ZBTB38: variants seen among roughly 807,000 people sequenced by gnomAD.
ZBTB38 encodes the protein zinc finger and BTB domain containing 38, also known as zinc finger and BTB domain-containing protein 38.
In ZBTB38, 20 loss-of-function variants were observed where a neutral mutation model predicts 76.8. The ratio of observed to expected loss-of-function variants is 0.26; its 90% CI spans 0.18 to 0.38. The LOEUF is 0.38. Ranked by LOEUF, ZBTB38 falls within the 10% of genes least tolerant of loss-of-function variation. The probability of loss-of-function intolerance (pLI) is 1.00; values close to 1 mark genes in which losing one functional copy is unlikely to be tolerated. For synonymous variants in ZBTB38, 504 were observed against 544.2 expected (o/e 0.93, Z 1.03); for missense variants, 1,082 against 1,482.3 (o/e 0.73, Z 4.43).
intron 4 of ZBTB38, among the ~76,000 whole-genome samples, chr3:141,392,121 T>A (rs1443223285): frequency 2.6e-5 from 4 of 152,226 alleles, no homozygotes; most frequent in Admixed American, 6.5e-5. Flanking sequence ...ATTCATTACT[T>A]AGCTGACTTT....
chr3:141,409,138 C>T (rs1195915307), intron 5 of ZBTB38, among the ~76,000 whole-genome samples: 7 of 152,120 alleles, frequency 4.6e-5, no homozygotes, highest in African/African-American at 1.7e-4. Flanking sequence ...CTTTGCCTCC[C>T]GGGTTCAAGT....
At position 141,448,826 on chromosome 3, in the gene ZBTB38, G is replaced by A. The variant is rs963502776; in HGVS notation, c.*2850G>A. 2.0e-5 allele frequency: 3 copies of A among 151,882 alleles called. No individual in the cohort carries two copies. The highest frequency in any genetic ancestry group is 4.4e-5 in the Non-Finnish European group (3 of 67,986). The allele number at this position is 151,882 out of a possible 1,614,324, so 9.4% of individuals were successfully genotyped here. Reference sequence around the variant, plus strand: ...CTGTTTCCTTACTTGTTTACATTCCGTGGTACCTACTTACATGCTTAGGAG... The same window carrying A: ...CTGTTTCCTTACTTGTTTACATTCCATGGTACCTACTTACATGCTTAGGAG... On this transcript the variant is annotated 3_prime_UTR_variant, in exon 6 of 6. Coordinates refer to ENST00000321464, the MANE Select transcript of ZBTB38 (RefSeq NM_001376113.1).
At chr3:141,428,558 G>T (rs1401960980) in intron 5 of ZBTB38, among the ~76,000 whole-genome samples, 1 of 152,166 alleles carries the variant, frequency 6.6e-6, no homozygotes, top group Non-Finnish European at 1.5e-5. Flanking sequence ...CACAATCTCA[G>T]CTCACTGCAA....
intron 4 of ZBTB38, among the ~76,000 whole-genome samples, chr3:141,395,592 AATAAT>A (rs1397731476): frequency 6.6e-6 from 1 of 152,196 alleles, no homozygotes; most frequent in African/African-American, 2.4e-5. Context: ...TTCAAAATAC[AATAAT>A]ATATAATATT....
chr3:141,437,115 C>G (rs1326866301), intron 5 of ZBTB38, among the ~76,000 whole-genome samples: 1 of 152,080 alleles, frequency 6.6e-6, no homozygotes, highest in Non-Finnish European at 1.5e-5. Context: ...ATACTAGAGT[C>G]TTAACTTTAA....
intron 1 of ZBTB38, among the ~76,000 whole-genome samples, chr3:141,360,012 T>C (rs113550845): frequency 6.6e-6 from 1 of 152,316 alleles, no homozygotes; most frequent in African/African-American, 2.4e-5. Context: ...TAAAACCTCA[T>C]ATTCAATAGA....
chr3:141,368,995 C>CAA (rs887674425), intron 1 of ZBTB38, among the ~76,000 whole-genome samples, 191 bp downstream of exon 1: 1,557 of 84,424 alleles, frequency 0.018, 18 homozygotes, highest in African/African-American at 0.045. Flanking sequence ...GAAAAGAATG[C>CAA]AAAAAAAAAA....
chr3:141,419,328 GAC>G lies in ZBTB38; in HGVS notation c.-1+15301_-1+15302del, dbSNP rs1202884082. On this transcript the variant is annotated intron_variant, in intron 5 of 5. Coordinates refer to ENST00000321464, the MANE Select transcript of ZBTB38 (RefSeq NM_001376113.1). Reference sequence around the variant, plus strand: ...CAGTTCAACATGAGATTTGGGCAGGGACACAAACTCAAACCATATCACATATG... The same window carrying G: ...CAGTTCAACATGAGATTTGGGCAGGGACAAACTCAAACCATATCACATATG... Among the ~76,000 whole-genome samples, 12 of 152,264 alleles carry G rather than the reference GAC, an allele frequency of 7.9e-5. No individual in the cohort carries two copies. In the East Asian group the frequency reaches 2.3e-3, roughly 29 times the overall value.
chr3:141,427,671 G>A (rs571700577), intron 5 of ZBTB38: 1 of 152,678 alleles, frequency 6.5e-6, no homozygotes, highest in African/African-American at 2.4e-5. Flanking sequence ...GTTCACACCA[G>A]AAGCCAGCTC....
At chr3:141,357,133 C>A (rs1943685782) in intron 1 of ZBTB38, among the ~76,000 whole-genome samples, 1 of 152,214 alleles carries the variant, frequency 6.6e-6, no homozygotes, top group African/African-American at 2.4e-5. Flanking sequence ...ATGCGACAGG[C>A]AAATGACCCT....
In ZBTB38 at chr3:141,393,915, G is replaced by A. The variant is rs572937831; in HGVS notation, c.-106+6978G>A. Among the ~76,000 whole-genome samples the A allele has an allele frequency of 1.6e-4, 25 of 152,314 alleles. 1 individual carries two copies. In the South Asian group the frequency reaches 4.6e-3, roughly 28 times the overall value. On this transcript the variant is annotated intron_variant, in intron 4 of 5. Transcript: ENST00000321464. ...TGCTACTTAATGGCCCCACGTTGGC[G>A]ATTGTGAAGCGCCTACAGATTGATG... is the stretch of plus-strand genomic sequence containing the variant.
intron 1 of ZBTB38, among the ~76,000 whole-genome samples, chr3:141,326,005 C>T (rs1942662521): frequency 6.6e-6 from 1 of 152,014 alleles, no homozygotes; most frequent in Non-Finnish European, 1.5e-5. Flanking sequence ...TGCCATTTAA[C>T]ATGTTTTTTC....
In ZBTB38 at chr3:141,443,240, C is replaced by A. The variant is rs1029613199; in HGVS notation, c.852C>A (p.Pro284=). The A allele has an allele frequency of 6.2e-7, 1 of 1,614,232 alleles. No homozygotes were observed. Among genetic ancestry groups the A allele is most frequent in the Admixed American group, 1.7e-5 (1 of 60,024 alleles). Residue 284 remains proline, a synonymous_variant, in exon 6 of 6, where the codon CCC becomes CCA. Transcript: ENST00000321464. The surrounding 1 kb of genome is among the most constrained non-coding windows in gnomAD (Gnocchi z 5.6). ...DSDSATENIP[P]PPVSNLEVNQ... is the part of the protein sequence containing the mutation. ...ATTCAGCCACAGAAAATATACCACC[C>A]CCTCCAGTATCCAACTTAGAGGTTA... is the stretch of plus-strand genomic sequence containing the variant.
At chr3:141,392,826 G>C (rs955045564) in intron 4 of ZBTB38, 1 of 152,216 alleles carries the variant, frequency 6.6e-6, no homozygotes, top group African/African-American at 2.4e-5. Context: ...TGACAGTGGG[G>C]GGTCTCCATG....
At chr3:141,344,823 C>T (rs1027264369) in intron 1 of ZBTB38, among the ~76,000 whole-genome samples, 1 of 152,204 alleles carries the variant, frequency 6.6e-6, no homozygotes, top group African/African-American at 2.4e-5. Flanking sequence ...ATAATTTCCC[C>T]ACCTCAAGGT....
chr3:141,391,562 G>A (rs1029785274), intron 4 of ZBTB38, among the ~76,000 whole-genome samples: 2 of 152,222 alleles, frequency 1.3e-5, no homozygotes, highest in African/African-American at 4.8e-5. Flanking sequence ...AACTGCTTCA[G>A]AAGGTAGAGT....
intron 5 of ZBTB38, among the ~76,000 whole-genome samples, chr3:141,415,813 T>C (rs1471977605): frequency 1.3e-5 from 2 of 150,878 alleles, no homozygotes; most frequent in African/African-American, 2.5e-5. Context: ...GTGACTTTAA[T>C]CTTATAGTGC....
At chr3:141,396,004 T>G (rs1950275841) in intron 4 of ZBTB38, among the ~76,000 whole-genome samples, 2 of 152,228 alleles carry the variant, frequency 1.3e-5, no homozygotes, top group Non-Finnish European at 2.9e-5. Context: ...GCCTGGATGT[T>G]GAAGGCTGCT....
At chr3:141,357,333 T>C (rs1351659711) in intron 1 of ZBTB38, among the ~76,000 whole-genome samples, 2 of 152,240 alleles carry the variant, frequency 1.3e-5, no homozygotes, top group Non-Finnish European at 2.9e-5. Context: ...GTATGTCATT[T>C]GTCTTTCAAC....
Sources: gnomAD v4.1 joint callset for allele counts (sites outside exome capture counted in the v4.1 genomes callset) on GRCh38, gnomAD v4.1.1 for gene constraint, Gnocchi (gnomAD v3.1) non-coding constraint, MANE v1.5 for transcripts, NCBI Gene and HGNC (gene_info 2026-07-23, HGNC 2026-07-21) for gene names.